RBFOX1: variants seen among roughly 807,000 people sequenced by gnomAD.
RBFOX1 encodes the protein RNA binding protein fox-1 homolog 1.
RBFOX1 carries 8 observed loss-of-function variants against 57.7 expected under a neutral mutation model. The observed-to-expected ratio is 0.14, with a 90% confidence interval of 0.08 to 0.25. The LOEUF is 0.25. RBFOX1 is among the 10% of genes least tolerant of loss of function. The pLI is 1.00. For missense variants in RBFOX1, 611 were observed against 548.5 expected (o/e 1.11, Z -1.14); for synonymous variants, 326 against 222.4 (o/e 1.47, Z -4.15).
intron 3 of RBFOX1, among the ~76,000 whole-genome samples, chr16:5,834,623 T>TAGATAGAA (rs201984836): frequency 6.6e-6 from 1 of 151,694 alleles, no homozygotes; most frequent in African/African-American, 2.4e-5. Flanking sequence ...GATAGATAGA[T>TAGATAGAA]TGACTGATTT....
At chr16:5,599,717 G>T (rs1428770172) in exon 3 of RBFOX1, 1 of 153,998 alleles carries the variant, frequency 6.5e-6, no homozygotes, top group Non-Finnish European at 1.4e-5. Flanking sequence ...GTTAATGGCA[G>T]TGGTATGAAA....
chr16:6,674,872 A>C (rs964430119), intron 3 of RBFOX1, among the ~76,000 whole-genome samples: 5 of 151,926 alleles, frequency 3.3e-5, no homozygotes, highest in Non-Finnish European at 7.4e-5. Context: ...AGAATAAATT[A>C]CTGTTGTGTT....
chr16:5,399,545 C>T (rs2066655268), intron 1 of RBFOX1, among the ~76,000 whole-genome samples: 1 of 151,862 alleles, frequency 6.6e-6, no homozygotes. Context: ...TCAATGCCAT[C>T]CTGGGAAACA....
intron 3 of RBFOX1, among the ~76,000 whole-genome samples, chr16:5,694,035 G>T (rs2050773691): frequency 6.6e-6 from 1 of 152,218 alleles, no homozygotes; most frequent in South Asian, 2.1e-4. Flanking sequence ...AAAGTACAGA[G>T]TAAGTGAGAT....
At chr16:6,926,704 T>C (rs1441130645) in intron 3 of RBFOX1, among the ~76,000 whole-genome samples, 1 of 152,196 alleles carries the variant, frequency 6.6e-6, no homozygotes, top group Non-Finnish European at 1.5e-5. Flanking sequence ...TTAGCTCTTC[T>C]TCCCGTTAAT....
chr16:6,069,953 C>G (rs1596975701), intron 1 of RBFOX1, among the ~76,000 whole-genome samples: 2 of 152,178 alleles, frequency 1.3e-5, no homozygotes, highest in Non-Finnish European at 1.5e-5. Flanking sequence ...AACCGCTGCA[C>G]TCCAGCCTGG....
In RBFOX1 at chr16:6,558,970, C is replaced by G. The variant is rs140785963; in HGVS notation, c.-63-95633C>G. Among the ~76,000 whole-genome samples, 22 of 152,258 alleles carry G rather than the reference C, an allele frequency of 1.4e-4. No individual in the cohort carries two copies. The East Asian group carries it at 4.1e-3, about 28-fold the overall frequency. On this transcript the variant is annotated intron_variant, in intron 2 of 15. Transcript: ENST00000550418. Reference sequence around the variant, plus strand: ...CTTTTACTTCTCCTTTCACTCTCTACTCAAAAATGCCGCTTCCTCCAGGAA... The same window carrying G: ...CTTTTACTTCTCCTTTCACTCTCTAGTCAAAAATGCCGCTTCCTCCAGGAA...
At chr16:5,768,332 G>T (rs1174139048) in intron 3 of RBFOX1, among the ~76,000 whole-genome samples, 1 of 152,156 alleles carries the variant, frequency 6.6e-6, no homozygotes. Flanking sequence ...AGCTTCTGAG[G>T]AAAAGGCTGC....
At chr16:7,163,525 T>G (rs2078824919) in intron 4 of RBFOX1, among the ~76,000 whole-genome samples, 1 of 152,186 alleles carries the variant, frequency 6.6e-6, no homozygotes, top group Admixed American at 6.5e-5. Flanking sequence ...GCACTCCCTT[T>G]AACATCAGTC....
intron 3 of RBFOX1, among the ~76,000 whole-genome samples, chr16:5,834,819 T>TAGATAGATAGACAGAC (rs869158252): frequency 7.4e-6 from 1 of 134,356 alleles, no homozygotes; most frequent in African/African-American, 3.0e-5. Flanking sequence ...GATAGATAGA[T>TAGATAGATAGACAGAC]AGACAGACAG....
intron 2 of RBFOX1, among the ~76,000 whole-genome samples, chr16:6,438,212 C>T (rs1176355094): frequency 6.6e-6 from 1 of 152,168 alleles, no homozygotes; most frequent in Admixed American, 6.5e-5. Flanking sequence ...TACTTGATAG[C>T]CAGCACTTAA....
At chr16:7,601,962 C>T (rs1011203369) in intron 9 of RBFOX1, among the ~76,000 whole-genome samples, 2 of 152,192 alleles carry the variant, frequency 1.3e-5, no homozygotes, top group Non-Finnish European at 2.9e-5. Context: ...TTGAGAGTTG[C>T]CACCTGTACC....
chr16:6,999,179 A>G (rs1015802284), intron 3 of RBFOX1, among the ~76,000 whole-genome samples: 1 of 87,216 alleles, frequency 1.1e-5, no homozygotes, highest in South Asian at 4.7e-4. Flanking sequence ...TTTTTATTTT[A>G]TTTTATTTTA....
chr16:6,946,513 C>T (rs1024372168), intron 3 of RBFOX1, among the ~76,000 whole-genome samples: 6 of 152,182 alleles, frequency 3.9e-5, no homozygotes, highest in Non-Finnish European at 7.3e-5. Context: ...TTTTACATCT[C>T]CCATCCCTAC....
chr16:5,674,621 G>T (rs530032497), intron 3 of RBFOX1, among the ~76,000 whole-genome samples: 1 of 152,340 alleles, frequency 6.6e-6, no homozygotes, highest in African/African-American at 2.4e-5. Context: ...TATTGGGTTA[G>T]TGCCAAAGTT....
intron 3 of RBFOX1, among the ~76,000 whole-genome samples, chr16:5,625,239 T>C (rs953011893): frequency 2.0e-5 from 3 of 151,996 alleles, no homozygotes; most frequent in African/African-American, 7.3e-5. Context: ...ATCCCTAGGA[T>C]CTGTAGCAGG....
At chr16:7,616,108 AG>A (rs1164433208) in intron 10 of RBFOX1, among the ~76,000 whole-genome samples, 1 of 152,242 alleles carries the variant, frequency 6.6e-6, no homozygotes, top group Admixed American at 6.5e-5. Context: ...CTGTGTTGGG[AG>A]TCCCCAAGAC....
At chr16:7,096,404 A>T (rs1470235994) in intron 4 of RBFOX1, among the ~76,000 whole-genome samples, 2 of 152,150 alleles carry the variant, frequency 1.3e-5, no homozygotes, top group African/African-American at 4.8e-5. Context: ...CCCCAGCAGG[A>T]TGTCTGAGGC....
chr16:5,612,476 A>C (rs1376421250), intron 3 of RBFOX1, among the ~76,000 whole-genome samples: 1 of 152,220 alleles, frequency 6.6e-6, no homozygotes, highest in Non-Finnish European at 1.5e-5. Flanking sequence ...GATTGAGCAG[A>C]TACTCATACA....
Sources: allele counts gnomAD v4.1 joint callset (sites outside exome capture counted in the v4.1 genomes callset), GRCh38; gene constraint gnomAD v4.1.1; transcripts MANE v1.5; gene names NCBI Gene and HGNC (gene_info 2026-07-23, HGNC 2026-07-21).